The following SULT1A1 variants were observed in gnomAD, a reference collection of about 807,000 sequenced individuals.
SULT1A1 encodes the protein sulfotransferase family 1A member 1.
In SULT1A1, 35 loss-of-function variants were observed where a neutral mutation model predicts 36.8. That is an observed-to-expected ratio of 0.95 (90% CI 0.73 to 1.26). The LOEUF is 1.26. Among genes scored for constraint, SULT1A1 ranks in the 50% most tolerant of loss-of-function variants. The probability of loss-of-function intolerance (pLI) is 0.00; values close to 1 mark genes in which losing one functional copy is unlikely to be tolerated. For missense variants in SULT1A1, 309 were observed against 383.0 expected, an observed-to-expected ratio of 0.81 and a Z score of 1.61; for synonymous variants, 119 against 146.0, an observed-to-expected ratio of 0.82 and a Z score of 1.33.
chr16:28,622,616 G>A (rs946393680), intron 1 of SULT1A1, among the ~76,000 whole-genome samples: 2 of 152,120 alleles, frequency 1.3e-5, no homozygotes, highest in Non-Finnish European at 2.9e-5. Flanking sequence ...CAGGGTCACG[G>A]GTCCCCTTGC....
In SULT1A1 at chr16:28,610,007, G is replaced by A. The variant is rs1344389080; in HGVS notation, c.-81C>T. 7.8e-7 allele frequency: 1 copy of A among 1,287,678 alleles called. No individual in the cohort carries two copies. The highest frequency in any genetic ancestry group is 1.2e-5 in the South Asian group (1 of 80,960). The allele number at this position is 1,287,678 out of a possible 1,614,324, so 79.8% of individuals were successfully genotyped here. On this transcript the variant is annotated 5_prime_UTR_variant, in exon 1 of 8. Coordinates refer to ENST00000314752, the MANE Select transcript of SULT1A1 (RefSeq NM_001055.4). ...TGTGGGTGTTGTGTGGGGAATGCAG[G>A]GTTGTTCTCTGAGCTGAGGGTTTCC...
chr16:28,619,923 A>T, intron 2 of SULT1A1: 1 of 585,798 alleles, frequency 1.7e-6, no homozygotes, highest in East Asian at 3.1e-5. Flanking sequence ...ATCTATGTAC[A>T]TATATATACA....
At chr16:28,606,620 G>A (rs2047200645) in intron 6 of SULT1A1, 141 bp downstream of exon 6, 2 of 1,363,922 alleles carry the variant, frequency 1.5e-6, no homozygotes, top group African/African-American at 1.4e-5. Context: ...TAGTGGGGAG[G>A]CCTGGGCCAA....
At chr16:28,622,278 CT>C (rs1158772039) in intron 1 of SULT1A1, among the ~76,000 whole-genome samples, 2 of 152,164 alleles carry the variant, frequency 1.3e-5, no homozygotes, top group African/African-American at 2.4e-5. Flanking sequence ...CAAAACCCGC[CT>C]CTTGGTGGAG....
intron 2 of SULT1A1, 49 bp from the exon 3 acceptor site, chr16:28,608,652 G>A (rs368003067): frequency 2.0e-5 from 32 of 1,611,134 alleles, no homozygotes; most frequent in African/African-American, 1.1e-4. Flanking sequence ...GCACGACCTC[G>A]CTGGCCAAGG....
Position 28,608,399 on chromosome 16 carries a change from G to C in SULT1A1, c.275-11C>G. 1 of 1,612,438 alleles carries C rather than the reference G, an allele frequency of 6.2e-7. No individual in the cohort carries two copies. Among genetic ancestry groups the C allele is most frequent in the Non-Finnish European group, 8.5e-7 (1 of 1,178,696 alleles). On this transcript the variant is annotated splice_polypyrimidine_tract_variant and intron_variant, in intron 3 of 7. Coordinates refer to ENST00000314752, the MANE Select transcript of SULT1A1 (RefSeq NM_001055.4). ...TCAGAGTCTCCATCCCTGAGCAGTG[G>C]GTCAGGGAAGGTCTGGTGAGCTGAA...
intron 4 of SULT1A1, 48 bp from the exon 5 acceptor site, chr16:28,607,125 T>C (rs2925623): frequency 0.37 from 571,941 of 1,552,268 alleles, 110,582 homozygotes; most frequent in Admixed American, 0.46. Flanking sequence ...ACACAGCCTG[T>C]CCCAGGCCAG....
At chr16:28,615,225 C>T (rs542783009) in intron 2 of SULT1A1, among the ~76,000 whole-genome samples, 265 of 112,568 alleles carry the variant, frequency 2.4e-3, no homozygotes, top group African/African-American at 7.5e-3. Context: ...GTGCTGTGGG[C>T]GGGGCCGGCT....
rs914106269 is a variant in SULT1A1 at position 28,607,201 on chromosome 16, G to A, written c.373-124C>T. 7.1e-5 allele frequency: 108 copies of A among 1,518,410 alleles called. 4 individuals carry two copies. Among genetic ancestry groups the A allele is most frequent in the Non-Finnish European group, 8.8e-5 (99 of 1,123,546 alleles). 94.1% of individuals were successfully genotyped at this position (1,518,410 alleles called of 1,614,324 possible). On this transcript the variant is annotated intron_variant, in intron 4 of 7. Coordinates refer to ENST00000314752, the MANE Select transcript of SULT1A1 (RefSeq NM_001055.4). The stretch of plus-strand genomic sequence containing the variant: ...AGGCTGACTTGTTTGAGATCTCACG[G>A]CACCGGTAGGGCCAAGTCAGGAGCT...
intron 1 of SULT1A1, among the ~76,000 whole-genome samples, chr16:28,620,968 G>A (rs907255183): frequency 6.6e-6 from 1 of 151,978 alleles, no homozygotes. Context: ...AAATTAGCTG[G>A]GTGTGGTGGC....
At chr16:28,610,084 C>T (rs1406131289), upstream of SULT1A1, 1 of 1,283,548 alleles carries the variant, frequency 7.8e-7, no homozygotes, top group Non-Finnish European at 1.0e-6. Context: ...AGATTTGCTT[C>T]CGGAAGGAAG....
chr16:28,618,280 C>T (rs2047584128), intron 2 of SULT1A1, among the ~76,000 whole-genome samples: 2 of 149,802 alleles, frequency 1.3e-5, no homozygotes, highest in African/African-American at 4.9e-5. Context: ...TCTACCGATC[C>T]TCTTGCCTCA....
chr16:28,616,135 G>A (rs556178249), intron 2 of SULT1A1, among the ~76,000 whole-genome samples: 12 of 152,228 alleles, frequency 7.9e-5, no homozygotes, highest in African/African-American at 2.4e-4. Flanking sequence ...CCTGTCTTCC[G>A]GTCACACCTC....
upstream of SULT1A1, chr16:28,611,512 T>A (rs1282047275): frequency 6.6e-6 from 1 of 152,354 alleles, no homozygotes; most frequent in East Asian, 1.9e-4. Context: ...TCTTGAGAAA[T>A]CTTTACCTTT....
intron 4 of SULT1A1, chr16:28,607,435 A>T (rs2151686288): frequency 4.1e-6 from 1 of 246,814 alleles, no homozygotes; most frequent in East Asian, 8.4e-5. Flanking sequence ...GTTCTTGGTC[A>T]TCAGAGCAAG....
chr16:28,610,290 T>TTTC (rs1567312461), upstream of SULT1A1: 9 of 1,046,526 alleles, frequency 8.6e-6, no homozygotes, highest in East Asian at 6.0e-5. Context: ...TTTTTTTTTT[T>TTTC]CCGAGCTGTC....
rs1164806507 is a variant in SULT1A1 at position 28,608,775 on chromosome 16, T to G, written c.81A>C (p.Ala27=). 1 of 1,612,500 alleles carries G rather than the reference T, an allele frequency of 6.2e-7. No homozygotes were observed. Among genetic ancestry groups the G allele is most frequent in the African/African-American group, 1.3e-5 (1 of 74,868 alleles). ...CCTGGAAGCTCTGCAGGGGCCCCAG[T>G]GCCTCTGCAAAGTACTTGATGAGCG... is the stretch of plus-strand genomic sequence containing the variant. ...GVPLIKYFAE[A]LGPLQSFQAR... Residue 27 remains alanine (A), a synonymous_variant, in exon 2 of 8, where the codon GCA becomes GCC. Coordinates refer to ENST00000314752, the MANE Select transcript of SULT1A1 (RefSeq NM_001055.4).
chr16:28,623,107 CA>C, intron 1 of SULT1A1: 1 of 1,509,634 alleles, frequency 6.6e-7, no homozygotes, highest in Non-Finnish European at 9.0e-7. Context: ...TCCCACCCCC[CA>C]GGTTCCCCCC....
chr16:28,606,916 T>C (rs9282862), intron 5 of SULT1A1, 35 bp downstream of exon 5: 599,757 of 1,605,390 alleles, frequency 0.37, 112,179 homozygotes, highest in Admixed American at 0.46. Context: ...CACCACCCCT[T>C]AGCTCCACAC....
Sources: gnomAD v4.1 joint callset for allele counts (sites outside exome capture counted in the v4.1 genomes callset) on GRCh38, gnomAD v4.1.1 for gene constraint, MANE v1.5 for transcripts, NCBI Gene and HGNC (gene_info 2026-07-23, HGNC 2026-07-21) for gene names.